Variants in UGT1A8 observed in about 807,000 individuals in gnomAD.
UGT1A8 encodes UDP glucuronosyltransferase family 1 member A8.
Under a neutral mutation model 45.3 loss-of-function variants are expected in UGT1A8, and 39 were observed. The ratio of observed to expected loss-of-function variants is 0.86; its 90% CI spans 0.67 to 1.12. The LOEUF is 1.12. UGT1A8 is among the 50% of genes most tolerant of loss of function. UGT1A8 has a pLI of 0.00. For synonymous variants in UGT1A8, 275 were observed against 249.2 expected (o/e 1.10, Z -0.97); for missense variants, 719 against 664.9 (o/e 1.08, Z -0.90).
At chr2:233,718,615 G>A (rs2076668120) in intron 1 of UGT1A8, 1 of 856,316 alleles carries the variant, frequency 1.2e-6, no homozygotes, top group Non-Finnish European at 1.4e-6. Flanking sequence ...TTCAAGATAG[G>A]CGTGATTGGT....
chr2:233,636,630 T>C, intron 1 of UGT1A8: 4 of 1,613,990 alleles, frequency 2.5e-6, no homozygotes, highest in Non-Finnish European at 3.4e-6. Flanking sequence ...TGGATGGGAG[T>C]CACTGGTTCA....
intron 1 of UGT1A8, chr2:233,718,959 G>A: frequency 9.3e-6 from 15 of 1,614,212 alleles, no homozygotes; most frequent in Non-Finnish European, 1.3e-5. Context: ...CATGCGGGAG[G>A]CCTTGCGGGA....
intron 1 of UGT1A8, chr2:233,743,960 G>A (rs745723342): frequency 3.1e-5 from 42 of 1,334,096 alleles, no homozygotes; most frequent in South Asian, 3.6e-5. Flanking sequence ...CACAGCGAGC[G>A]GCAAGGCTGC....
At chr2:233,661,743 G>T (rs2073976031) in intron 1 of UGT1A8, among the ~76,000 whole-genome samples, 1 of 143,476 alleles carries the variant, frequency 7.0e-6, no homozygotes, top group African/African-American at 2.6e-5. Flanking sequence ...AACCACAGCT[G>T]CAGTCCTCAA....
chr2:233,672,598 C>G, intron 1 of UGT1A8: 1 of 1,613,836 alleles, frequency 6.2e-7, no homozygotes, highest in Non-Finnish European at 8.5e-7. Context: ...ATTATGCCAC[C>G]GTTTTTTCAA....
chr2:233,648,092 T>C (rs2073647400), intron 1 of UGT1A8: 1 of 1,508,916 alleles, frequency 6.6e-7, no homozygotes, highest in South Asian at 1.4e-5. Flanking sequence ...CTGGAGGATC[T>C]GGACCAGGAG....
At chr2:233,758,920 TC>T (rs1167539865) in intron 1 of UGT1A8, among the ~76,000 whole-genome samples, 7 of 152,264 alleles carry the variant, frequency 4.6e-5, no homozygotes, top group African/African-American at 1.7e-4. Flanking sequence ...TGCTCATCTT[TC>T]CCTTTTGACT....
At chr2:233,619,825 T>C (rs987761843) in intron 1 of UGT1A8, among the ~76,000 whole-genome samples, 2 of 152,218 alleles carry the variant, frequency 1.3e-5, no homozygotes, top group African/African-American at 4.8e-5. Flanking sequence ...CTGCAAGTAA[T>C]TCCCTTCTCT....
At chr2:233,672,826 C>T (rs371764696) in intron 1 of UGT1A8, 9 of 1,571,838 alleles carry the variant, frequency 5.7e-6, no homozygotes, top group Non-Finnish European at 7.8e-6. Context: ...AAGAATACTT[C>T]ACCTTTGGAA....
At chr2:233,729,022 G>A (rs1236460241) in intron 1 of UGT1A8, 8 of 1,594,664 alleles carry the variant, frequency 5.0e-6, no homozygotes, top group South Asian at 4.6e-5. Flanking sequence ...CCAATTACAC[G>A]TTGATTTGCT....
chr2:233,729,653 T>A, intron 1 of UGT1A8: 1 of 1,613,906 alleles, frequency 6.2e-7, no homozygotes, highest in Non-Finnish European at 8.5e-7. Context: ...TTGAGGAACA[T>A]TCCATGTGAT....
chr2:233,618,650 T>C, intron 1 of UGT1A8, 88 bp downstream of exon 1: 1 of 1,518,560 alleles, frequency 6.6e-7, no homozygotes, highest in Non-Finnish European at 8.8e-7. Context: ...TTTGACATTT[T>C]CATTTGTTGC....
At chr2:233,718,400 G>C (rs565525748) in intron 1 of UGT1A8, among the ~76,000 whole-genome samples, 7 of 152,362 alleles carry the variant, frequency 4.6e-5, no homozygotes, top group Admixed American at 3.9e-4. Flanking sequence ...TTAGCAAATA[G>C]CGTCACATTC....
intron 1 of UGT1A8, among the ~76,000 whole-genome samples, chr2:233,687,208 T>C (rs573198155): frequency 3.3e-5 from 5 of 152,306 alleles, no homozygotes; most frequent in Non-Finnish European, 5.9e-5. Flanking sequence ...GTGGGTGATA[T>C]GCATTTTCCA....
At chr2:233,704,341 G>A (rs188654230) in intron 1 of UGT1A8, among the ~76,000 whole-genome samples, 1 of 137,544 alleles carries the variant, frequency 7.3e-6, no homozygotes, top group East Asian at 2.1e-4. Flanking sequence ...TATTTAAAAA[G>A]TTGTGTTCTG....
At chr2:233,682,275 C>A (rs1361366825) in intron 1 of UGT1A8, 2 of 1,614,146 alleles carry the variant, frequency 1.2e-6, no homozygotes, top group Non-Finnish European at 1.7e-6. Context: ...ACAAGTTCAT[C>A]CAATGGTATT....
In UGT1A8 at chr2:233,772,418, T is replaced by C. The variant is rs768461412; in HGVS notation, c.1452T>C (p.His484=). The change falls in exon 5 of 5, where the codon CAT becomes CAC. Residue 484 remains histidine (H), a synonymous_variant. Transcript: ENST00000373450. ...ACGACCTCACCTGGTACCAGTACCA[T>C]TCCTTGGACGTGATTGGTTTCCTCT... ...AAHDLTWYQY[H]SLDVIGFLLA... 3 of 1,614,060 alleles carry C rather than the reference T, an allele frequency of 1.9e-6. No individual in the cohort carries two copies. In the Admixed American group the frequency reaches 5.0e-5, roughly 27 times the overall value.
intron 1 of UGT1A8, among the ~76,000 whole-genome samples, chr2:233,662,324 G>A (rs2073989843): frequency 6.6e-6 from 1 of 152,018 alleles, no homozygotes; most frequent in Non-Finnish European, 1.5e-5. Context: ...CACTATTGTA[G>A]GCTATGTGGC....
intron 1 of UGT1A8, among the ~76,000 whole-genome samples, chr2:233,683,598 AT>A (rs1160549006): frequency 6.6e-6 from 1 of 152,130 alleles, no homozygotes; most frequent in African/African-American, 2.4e-5. Context: ...TGAATCCCTC[AT>A]TATTTATTCG....
Sources: allele counts gnomAD v4.1 joint callset (sites outside exome capture counted in the v4.1 genomes callset), GRCh38; gene constraint gnomAD v4.1.1; transcripts MANE v1.5; gene names NCBI Gene and HGNC (gene_info 2026-07-23, HGNC 2026-07-21).